DYNC2H1: variants seen among roughly 807,000 people sequenced by gnomAD.
The protein encoded by DYNC2H1 is cytoplasmic dynein 2 heavy chain 1.
In DYNC2H1, 410 loss-of-function variants were observed where a neutral mutation model predicts 570.0. That is an observed-to-expected ratio of 0.72 (90% CI 0.66 to 0.78). DYNC2H1 has a LOEUF of 0.78. DYNC2H1 is among the 30% of genes least tolerant of loss of function. The pLI is 0.00. For missense variants in DYNC2H1, 4,865 were observed against 5,046.4 expected (o/e 0.96, Z 1.09); for synonymous variants, 1,688 against 1,677.6 (o/e 1.01, Z -0.15).
chr11:103,165,945 T>C lies in DYNC2H1; in HGVS notation c.4659T>C (p.Asn1553=). Residue 1553 remains asparagine, a synonymous_variant, in exon 31 of 89, where the codon AAT becomes AAC. Coordinates refer to ENST00000375735, the MANE Select transcript of DYNC2H1 (RefSeq NM_001377.3). ...EQIKFTEDVE[N]AIKDHSLHQI... ...TTAAATTCACTGAAGATGTAGAAAATGCTATTAAAGATCATAGTCTTCATC... is the reference window on the plus strand; with the variant it reads ...TTAAATTCACTGAAGATGTAGAAAACGCTATTAAAGATCATAGTCTTCATC... 6.6e-7 allele frequency: 1 copy of C among 1,513,028 alleles called. No individual in the cohort carries two copies. Among genetic ancestry groups the C allele is most frequent in the Non-Finnish European group, 8.8e-7 (1 of 1,130,542 alleles). 93.7% of individuals were successfully genotyped at this position (1,513,028 alleles called of 1,614,324 possible).
At chr11:103,442,272 A>G (rs1289370989) in intron 85 of DYNC2H1, among the ~76,000 whole-genome samples, 3 of 152,114 alleles carry the variant, frequency 2.0e-5, no homozygotes, top group African/African-American at 7.2e-5. Context: ...GAATTACTGC[A>G]TTTTAGTGAA....
At chr11:103,378,888 A>C (rs887866798) in intron 83 of DYNC2H1, among the ~76,000 whole-genome samples, 18 of 152,124 alleles carry the variant, frequency 1.2e-4, no homozygotes, top group Admixed American at 2.0e-4. Context: ...GAAAGTGACT[A>C]TTTCTTTCCT....
chr11:103,147,921 A>G, intron 19 of DYNC2H1, 34 bp downstream of exon 19: 2 of 1,416,916 alleles, frequency 1.4e-6, no homozygotes, highest in Non-Finnish European at 2.0e-6. Context: ...TTTTTACTTA[A>G]TTTGATATGT....
intron 82 of DYNC2H1, among the ~76,000 whole-genome samples, chr11:103,354,493 G>A (rs908656736): frequency 2.0e-5 from 3 of 151,832 alleles, no homozygotes; most frequent in African/African-American, 7.3e-5. Context: ...TGTATATTGG[G>A]ATCATACTTC....
chr11:103,327,879 C>T (rs1367031612), intron 82 of DYNC2H1, among the ~76,000 whole-genome samples: 4 of 152,200 alleles, frequency 2.6e-5, no homozygotes, highest in Non-Finnish European at 4.4e-5. Flanking sequence ...TACCAACACA[C>T]AGCTCCCCAG....
intron 19 of DYNC2H1, 77 bp from the exon 20 acceptor site, chr11:103,148,413 T>G: frequency 6.9e-7 from 1 of 1,454,580 alleles, no homozygotes; most frequent in Non-Finnish European, 9.3e-7. Context: ...CTACCACCCC[T>G]TGATTTAGAA....
chr11:103,241,186 A>G lies in DYNC2H1; in HGVS notation c.9820-2507A>G, dbSNP rs551797482. ...TTATTTTTGCATCTTTATTGCCTGT[A>G]AAGTTATTGAGGTTAAGGGAATGTA... On this transcript the variant is annotated intron_variant, in intron 63 of 88. Transcript: ENST00000375735. The surrounding 1 kb of genome is among the most constrained non-coding windows in gnomAD (Gnocchi z 5.1). Among the ~76,000 whole-genome samples the G allele has an allele frequency of 5.3e-5, 8 of 152,160 alleles. No individual in the cohort carries two copies. Among genetic ancestry groups the G allele is most frequent in the Non-Finnish European group, 1.2e-4 (8 of 68,028 alleles).
chr11:103,168,609 A>T, intron 31 of DYNC2H1, 146 bp from the exon 32 acceptor site: 1 of 782,764 alleles, frequency 1.3e-6, no homozygotes, highest in Non-Finnish European at 1.9e-6. Context: ...TTTTTAGCTT[A>T]TGTGATTTGT....
At chr11:103,431,148 G>T (rs1018864453) in intron 84 of DYNC2H1, among the ~76,000 whole-genome samples, 1 of 150,092 alleles carries the variant, frequency 6.7e-6, no homozygotes, top group Non-Finnish European at 1.5e-5. Flanking sequence ...TTCATGAAAT[G>T]CATGGGATGG....
At chr11:103,196,612 G>A (rs1026118927) in intron 47 of DYNC2H1, among the ~76,000 whole-genome samples, 1 of 152,054 alleles carries the variant, frequency 6.6e-6, no homozygotes, top group African/African-American at 2.4e-5. Context: ...AAATGATTCG[G>A]GGAGAATTTT....
At chr11:103,292,097 A>T (rs1866628265) in intron 75 of DYNC2H1, among the ~76,000 whole-genome samples, 1 of 151,660 alleles carries the variant, frequency 6.6e-6, no homozygotes, top group Non-Finnish European at 1.5e-5. Flanking sequence ...TTAGGAAAAG[A>T]CTAACTACGG....
chr11:103,447,721 C>T (rs933284086), intron 85 of DYNC2H1, among the ~76,000 whole-genome samples: 2 of 152,140 alleles, frequency 1.3e-5, no homozygotes, highest in African/African-American at 2.4e-5. Flanking sequence ...AAATGTGTAA[C>T]ATGCTTTAAA....
intron 18 of DYNC2H1, among the ~76,000 whole-genome samples, chr11:103,143,834 A>G (rs1259527683): frequency 6.6e-6 from 1 of 152,148 alleles, no homozygotes; most frequent in Non-Finnish European, 1.5e-5. Flanking sequence ...AATGTGGACA[A>G]AAGCCTCTGA....
chr11:103,450,713 A>G (rs1477612343), intron 85 of DYNC2H1, among the ~76,000 whole-genome samples: 4 of 152,216 alleles, frequency 2.6e-5, no homozygotes, highest in African/African-American at 9.6e-5. Context: ...ACTTATTTGC[A>G]TTAAACACTT....
At chr11:103,312,554 AAAAAAAAAAAAAC>A (rs1474199284) in intron 79 of DYNC2H1, among the ~76,000 whole-genome samples, 2 of 133,178 alleles carry the variant, frequency 1.5e-5, no homozygotes, top group Non-Finnish European at 3.2e-5. Flanking sequence ...AAAAAAAAAA[AAAAAAAAAAAAAC>A]CAATTGTAAT....
At position 103,380,375 on chromosome 11, in the gene DYNC2H1, A is replaced by AT. The variant is rs138806785; in HGVS notation, c.12157-19287dup. On this transcript the variant is annotated intron_variant, in intron 83 of 88. Coordinates refer to ENST00000375735, the MANE Select transcript of DYNC2H1 (RefSeq NM_001377.3). The stretch of plus-strand genomic sequence containing the variant: ...ATTAAATATCTATTGAGGAACTAAT[A>AT]TGCAATAGGTACTATATTAGATGCT... Among the ~76,000 whole-genome samples the AT allele has an allele frequency of 5.0e-3, 756 of 152,320 alleles. 4 individuals are homozygous for AT. Among genetic ancestry groups the AT allele is most frequent in the African/African-American group, 0.017 (725 of 41,562 alleles).
chr11:103,282,131 C>T (rs374671682), intron 71 of DYNC2H1, 48 bp from the exon 72 acceptor site: 329 of 1,560,432 alleles, frequency 2.1e-4, no homozygotes, highest in Non-Finnish European at 2.7e-4. Flanking sequence ...ATTTTGTTAA[C>T]TGGTTATCAT....
chr11:103,367,947 A>C (rs1348601229), intron 83 of DYNC2H1, among the ~76,000 whole-genome samples: 2 of 152,072 alleles, frequency 1.3e-5, no homozygotes, highest in Non-Finnish European at 2.9e-5. Flanking sequence ...ACAGAATTTC[A>C]TTCTTTTTTT....
chr11:103,380,033 G>A (rs1009204350), intron 83 of DYNC2H1, among the ~76,000 whole-genome samples: 1 of 152,092 alleles, frequency 6.6e-6, no homozygotes, highest in Admixed American at 6.5e-5. Context: ...TAGTTTTACA[G>A]TTTATCATTT....
Sources: allele counts gnomAD v4.1 joint callset (sites outside exome capture counted in the v4.1 genomes callset), GRCh38; gene constraint gnomAD v4.1.1; non-coding constraint Gnocchi (gnomAD v3.1); transcripts MANE v1.5; gene names NCBI Gene and HGNC (gene_info 2026-07-23, HGNC 2026-07-21).